CPNE8: variants seen among roughly 807,000 people sequenced by gnomAD.
The protein encoded by CPNE8 is copine-8.
A neutral mutation model predicts 81.5 loss-of-function variants in CPNE8; 45 were observed. That is an observed-to-expected ratio of 0.55 (90% CI 0.44 to 0.71). CPNE8 has a LOEUF of 0.71. Ranked by LOEUF, CPNE8 falls within the 30% of genes least tolerant of loss-of-function variation. CPNE8 has a pLI of 0.00. For synonymous variants in CPNE8, 252 were observed against 226.3 expected, an observed-to-expected ratio of 1.11 and a Z score of -1.02; for missense variants, 594 against 672.1, an observed-to-expected ratio of 0.88 and a Z score of 1.28.
intron 3 of CPNE8, among the ~76,000 whole-genome samples, chr12:38,858,796 C>T (rs1943785909): frequency 6.6e-6 from 1 of 151,806 alleles, no homozygotes; most frequent in South Asian, 2.1e-4. Flanking sequence ...TCCTGTGATA[C>T]AAGGATGATT....
intron 11 of CPNE8, 118 bp downstream of exon 11, chr12:38,730,165 C>T (rs956186771): frequency 1.6e-5 from 10 of 640,372 alleles, no homozygotes; most frequent in African/African-American, 1.3e-4. Context: ...TTCAAAGATT[C>T]TTACATACAC....
In CPNE8 at chr12:38,814,809, G is replaced by A. The variant is rs532485789; in HGVS notation, c.407+14570C>T. On this transcript the variant is annotated intron_variant, in intron 6 of 19. Transcript: ENST00000331366. ...ATAGTAACACTAATTATAGCTGTCA[G>A]CAAATAATATAGCTTTTTATTTCTT... Among the ~76,000 whole-genome samples the A allele has an allele frequency of 4.6e-5, 7 of 151,870 alleles. 1 individual carries two copies. The South Asian group carries it at 1.5e-3, about 32-fold the overall frequency.
Position 38,741,869 on chromosome 12 carries a change from G to T in CPNE8, c.723-11511C>A, listed in dbSNP as rs1941114757. 3.3e-5 allele frequency among the ~76,000 whole-genome samples: 5 copies of T among 152,120 alleles called. No homozygotes were observed. The South Asian group carries it at 1.0e-3, about 31-fold the overall frequency. ...CCATCAAAAAGTGGGCAAAGGATAT[G>T]AACAGACACTTCTCAAAAGGAAACA... On this transcript the variant is annotated intron_variant, in intron 10 of 19. Transcript: ENST00000331366.
chr12:38,837,434 A>G (rs1311438910), intron 5 of CPNE8, among the ~76,000 whole-genome samples: 7 of 152,270 alleles, frequency 4.6e-5, no homozygotes, highest in East Asian at 3.9e-4. Context: ...TGAAACTTGC[A>G]TTTGCTAAGG....
chr12:38,657,688 C>G lies in CPNE8; in HGVS notation c.1507-3618G>C, dbSNP rs528769208. Among the ~76,000 whole-genome samples, 18 of 151,624 alleles carry G rather than the reference C, an allele frequency of 1.2e-4. No individual in the cohort carries two copies. The East Asian group carries it at 3.5e-3, about 29-fold the overall frequency. On this transcript the variant is annotated intron_variant, in intron 19 of 19. Transcript: ENST00000331366. The stretch of plus-strand genomic sequence containing the variant: ...GGGACGAAGCTTCCAGAGGAAGGAT[C>G]AGACAGCAATATTTTCAGTTCTGCA...
intron 6 of CPNE8, among the ~76,000 whole-genome samples, chr12:38,809,382 C>T (rs112461519): frequency 6.6e-6 from 1 of 152,200 alleles, no homozygotes; most frequent in Admixed American, 6.5e-5. Flanking sequence ...CTAACTTTCT[C>T]TTGCATTGCA....
intron 6 of CPNE8, among the ~76,000 whole-genome samples, chr12:38,798,954 G>C (rs71461475): frequency 4.3e-4 from 65 of 152,220 alleles, no homozygotes; most frequent in Non-Finnish European, 5.3e-4. Flanking sequence ...GACAAAGAAG[G>C]CCATTACATA....
intron 7 of CPNE8, among the ~76,000 whole-genome samples, chr12:38,771,787 G>A (rs147714291): frequency 4.3e-4 from 66 of 152,128 alleles, no homozygotes; most frequent in African/African-American, 1.1e-3. Context: ...CAAAAGCATA[G>A]GCCACAAAAG....
chr12:38,830,162 TGA>T (rs1006198585), intron 5 of CPNE8, among the ~76,000 whole-genome samples: 2 of 151,862 alleles, frequency 1.3e-5, no homozygotes, highest in African/African-American at 4.9e-5. Context: ...ACCCTGTAAA[TGA>T]GAGGTCTGAT....
At chr12:38,818,665 G>A (rs1404654171) in intron 6 of CPNE8, among the ~76,000 whole-genome samples, 1 of 152,112 alleles carries the variant, frequency 6.6e-6, no homozygotes, top group Non-Finnish European at 1.5e-5. Context: ...GGATTGCTGG[G>A]TCAAATGGTA....
chr12:38,764,548 C>T (rs1316488434), intron 8 of CPNE8, among the ~76,000 whole-genome samples: 1 of 130,556 alleles, frequency 7.7e-6, no homozygotes, highest in Non-Finnish European at 1.6e-5. Flanking sequence ...ACCCGGGAGG[C>T]GGAGCTTGCA....
intron 7 of CPNE8, among the ~76,000 whole-genome samples, chr12:38,769,366 T>C (rs1441143565): frequency 6.6e-6 from 1 of 152,210 alleles, no homozygotes; most frequent in Non-Finnish European, 1.5e-5. Flanking sequence ...CTCTCAAGCA[T>C]ATCATGTTCT....
chr12:38,777,347 C>G (rs185752069), intron 6 of CPNE8, among the ~76,000 whole-genome samples: 71 of 152,180 alleles, frequency 4.7e-4, no homozygotes, highest in African/African-American at 1.7e-3. Flanking sequence ...TTTTGTACAG[C>G]TGTGCAATGT....
intron 3 of CPNE8, among the ~76,000 whole-genome samples, chr12:38,857,114 T>C (rs939630852): frequency 6.6e-6 from 1 of 152,142 alleles, no homozygotes; most frequent in Non-Finnish European, 1.5e-5. Context: ...CTGACAACCT[T>C]CAAACTTTTC....
intron 1 of CPNE8, among the ~76,000 whole-genome samples, chr12:38,880,572 C>G (rs1944138078): frequency 6.6e-6 from 1 of 152,038 alleles, no homozygotes; most frequent in Admixed American, 6.5e-5. Flanking sequence ...TGCCCACGGC[C>G]TTTATTTAGG....
At chr12:38,865,556 G>A (rs1235928077) in intron 3 of CPNE8, among the ~76,000 whole-genome samples, 1 of 152,164 alleles carries the variant, frequency 6.6e-6, no homozygotes, top group East Asian at 1.9e-4. Flanking sequence ...GCTTAAAAAT[G>A]GGCAAAACTA....
chr12:38,699,849 C>G (rs1939895957), intron 14 of CPNE8, among the ~76,000 whole-genome samples: 1 of 151,992 alleles, frequency 6.6e-6, no homozygotes, highest in Non-Finnish European at 1.5e-5. Context: ...AAATTGTTTT[C>G]TGAATTTCAT....
At chr12:38,774,159 A>T (rs1592076944) in intron 7 of CPNE8, among the ~76,000 whole-genome samples, 1 of 152,130 alleles carries the variant, frequency 6.6e-6, no homozygotes, top group East Asian at 1.9e-4. Flanking sequence ...TGAAAGTGGA[A>T]GATATTTAGG....
intron 14 of CPNE8, among the ~76,000 whole-genome samples, chr12:38,696,241 T>C (rs1348442159): frequency 1.3e-5 from 2 of 152,090 alleles, no homozygotes; most frequent in African/African-American, 4.8e-5. Context: ...ACCTCTCAAG[T>C]TGCCACCCTG....
Sources: gnomAD v4.1 joint callset for allele counts (sites outside exome capture counted in the v4.1 genomes callset) on GRCh38, gnomAD v4.1.1 for gene constraint, MANE v1.5 for transcripts, NCBI Gene and HGNC (gene_info 2026-07-23, HGNC 2026-07-21) for gene names.